TSNARE1: variants seen among roughly 807,000 people sequenced by gnomAD.
The protein encoded by TSNARE1 is t-SNARE domain containing 1.
TSNARE1 carries 49 observed loss-of-function variants against 62.0 expected under a neutral mutation model. The ratio of observed to expected loss-of-function variants is 0.79; its 90% CI spans 0.63 to 1.00. The LOEUF is 1.00. TSNARE1 is among the 50% of genes least tolerant of loss of function. TSNARE1 has a pLI of 0.00. For synonymous variants in TSNARE1, 328 were observed against 294.4 expected, an observed-to-expected ratio of 1.11 and a Z score of -1.17; for missense variants, 755 against 700.1, an observed-to-expected ratio of 1.08 and a Z score of -0.88.
At chr8:142,389,205 A>G (rs1587125602) in intron 1 of TSNARE1, among the ~76,000 whole-genome samples, 2 of 152,376 alleles carry the variant, frequency 1.3e-5, no homozygotes, top group South Asian at 2.1e-4. Context: ...TAGATACAGA[A>G]GAATAACAGT....
intron 1 of TSNARE1, among the ~76,000 whole-genome samples, chr8:142,383,099 G>A (rs1836883837): frequency 6.6e-6 from 1 of 152,206 alleles, no homozygotes. Context: ...CCCTGCCTGG[G>A]ACCAAGAAGA....
intron 6 of TSNARE1, 131 bp from the exon 7 acceptor site, chr8:142,318,765 GGAGA>G (rs1346883394): frequency 2.6e-6 from 2 of 762,422 alleles, no homozygotes; most frequent in Non-Finnish European, 4.4e-6. Flanking sequence ...ATGGACAGGC[GGAGA>G]GAGGGCCGAG....
chr8:142,277,091 C>G, intron 11 of TSNARE1: 4 of 985,366 alleles, frequency 4.1e-6, no homozygotes, highest in Non-Finnish European at 4.8e-6. Context: ...CATCAGCCAT[C>G]AGCCCTGGGC....
In TSNARE1 at chr8:142,262,795, G is replaced by A. The variant is rs116984456; in HGVS notation, c.1446+11986C>T. Among the ~76,000 whole-genome samples the A allele has an allele frequency of 1.6e-3, 245 of 152,204 alleles. 3 individuals carry two copies. The East Asian group carries it at 0.036, about 22-fold the overall frequency. The stretch of plus-strand genomic sequence containing the variant: ...AGAAGCAGAAGCCGCTATGCTTCCC[G>A]TACAGCCTGCAGAACCGTGAGCCAA... On this transcript the variant is annotated intron_variant, in intron 12 of 13. Transcript: ENST00000524325.
chr8:142,280,064 C>A (rs1308521965), intron 11 of TSNARE1: 2 of 1,234,800 alleles, frequency 1.6e-6, no homozygotes, highest in African/African-American at 1.6e-5. Flanking sequence ...GCGTTCACTG[C>A]CTGCAGGATG....
At chr8:142,241,247 T>A (rs1241551840) in intron 12 of TSNARE1, among the ~76,000 whole-genome samples, 1 of 151,872 alleles carries the variant, frequency 6.6e-6, no homozygotes, top group East Asian at 1.9e-4. Flanking sequence ...ACAAAAGAAG[T>A]CAAGAAAACA....
chr8:142,218,647 AG>A (rs1333223310), intron 13 of TSNARE1, among the ~76,000 whole-genome samples: 1 of 152,168 alleles, frequency 6.6e-6, no homozygotes, highest in Non-Finnish European at 1.5e-5. Flanking sequence ...CCAGACCCAC[AG>A]GCCGACACCC....
At chr8:142,354,490 C>T in intron 2 of TSNARE1, 147 bp downstream of exon 2, 1 of 611,684 alleles carries the variant, frequency 1.6e-6, no homozygotes, top group Non-Finnish European at 2.9e-6. Context: ...GGGCTGAGCT[C>T]AGGAATCACA....
Position 142,283,068 on chromosome 8 carries a change from G to A in TSNARE1, c.1363+1345C>T, listed in dbSNP as rs563496278. ...GCGGGACCAGTGTCTGTCAGTGAGC[G>A]GAGGTGGGGCCAGTGTCTATCAATG... On this transcript the variant is annotated intron_variant, in intron 11 of 13. Coordinates refer to ENST00000524325, the MANE Select transcript of TSNARE1 (RefSeq NM_145003.5). 3.4e-3 allele frequency among the ~76,000 whole-genome samples: 461 copies of A among 136,614 alleles called. 41 individuals carry two copies. Among genetic ancestry groups the A allele is most frequent in the African/African-American group, 0.013 (431 of 33,724 alleles). 89.6% of individuals were successfully genotyped at this position (136,614 alleles called of 152,430 possible). A position where few individuals can be genotyped will look rare whatever the true frequency, so the allele number is the denominator to read the frequency against.
chr8:142,351,389 A>G (rs1834075993), intron 2 of TSNARE1, among the ~76,000 whole-genome samples: 1 of 152,264 alleles, frequency 6.6e-6, no homozygotes, highest in Non-Finnish European at 1.5e-5. Flanking sequence ...CAGGAAAGAA[A>G]GTTTTTACTT....
chr8:142,230,412 T>C (rs928618258), intron 12 of TSNARE1, among the ~76,000 whole-genome samples: 1 of 152,158 alleles, frequency 6.6e-6, no homozygotes, highest in Non-Finnish European at 1.5e-5. Context: ...ACACCACCCC[T>C]AGACAGCAGG....
chr8:142,306,982 G>C (rs1826801880), intron 9 of TSNARE1, among the ~76,000 whole-genome samples: 1 of 152,190 alleles, frequency 6.6e-6, no homozygotes, highest in Admixed American at 6.5e-5. Context: ...CCCCAACAGA[G>C]GAGAACCCAG....
At chr8:142,398,437 G>A (rs1180857831) in intron 1 of TSNARE1, among the ~76,000 whole-genome samples, 2 of 149,976 alleles carry the variant, frequency 1.3e-5, no homozygotes, top group Non-Finnish European at 3.0e-5. Flanking sequence ...CCCCAGCCCT[G>A]CCAAAGCACA....
chr8:142,224,804 G>T (rs550774842), intron 13 of TSNARE1, among the ~76,000 whole-genome samples: 1 of 152,276 alleles, frequency 6.6e-6, no homozygotes, highest in East Asian at 1.9e-4. Context: ...TCCAGACCAG[G>T]TGCCTGTGGT....
intron 11 of TSNARE1, among the ~76,000 whole-genome samples, chr8:142,279,299 G>A (rs888377005): frequency 2.6e-5 from 4 of 152,246 alleles, no homozygotes; most frequent in Non-Finnish European, 4.4e-5. Flanking sequence ...CGGGACCCGG[G>A]GCCAAACAGG....
At chr8:142,340,015 G>T (rs1832328090) in intron 4 of TSNARE1, among the ~76,000 whole-genome samples, 1 of 152,260 alleles carries the variant, frequency 6.6e-6, no homozygotes, top group Non-Finnish European at 1.5e-5. Context: ...GAGGGAACCA[G>T]CTCATTCTGG....
chr8:142,234,299 A>T, intron 12 of TSNARE1, among the ~76,000 whole-genome samples: 3 of 82,524 alleles, frequency 3.6e-5, no homozygotes, highest in African/African-American at 9.6e-5. Context: ...CCCCAACCAC[A>T]GGTTCAGGGA....
intron 4 of TSNARE1, among the ~76,000 whole-genome samples, chr8:142,333,497 G>A (rs761595198): frequency 7.9e-5 from 12 of 152,192 alleles, no homozygotes; most frequent in African/African-American, 2.4e-4. Flanking sequence ...TAGGGGTGCC[G>A]AGGGGACCCT....
chr8:142,353,605 T>C (rs752521382), intron 2 of TSNARE1, among the ~76,000 whole-genome samples: 3 of 152,162 alleles, frequency 2.0e-5, no homozygotes, highest in Non-Finnish European at 4.4e-5. Flanking sequence ...CACATGCTGC[T>C]CCCTCTCTGC....
Sources: gnomAD v4.1 joint callset for allele counts (sites outside exome capture counted in the v4.1 genomes callset) on GRCh38, gnomAD v4.1.1 for gene constraint, MANE v1.5 for transcripts, NCBI Gene and HGNC (gene_info 2026-07-23, HGNC 2026-07-21) for gene names.